The following CCDC196 variants were observed in gnomAD, a reference collection of about 807,000 sequenced individuals.
CCDC196 encodes coiled-coil domain-containing protein 196.
At chr14:66,489,982 G>A (rs1411985292) in intron 4 of CCDC196, among the ~76,000 whole-genome samples, 1 of 152,112 alleles carries the variant, frequency 6.6e-6, no homozygotes, top group African/African-American at 2.4e-5. Flanking sequence ...GATATAAACA[G>A]ATATATAGTG....
chr14:66,488,329 G>C, intron 3 of CCDC196, 73 bp downstream of exon 3: 1 of 406,952 alleles, frequency 2.5e-6, no homozygotes, highest in Admixed American at 4.4e-5. Flanking sequence ...CAGATGTGGA[G>C]AGAAAGACAG....
rs989232973 is a variant in CCDC196, at chr14:66,490,747, C to T, written c.357C>T (p.Phe119=). The T allele has an allele frequency of 7.5e-6, 3 of 399,248 alleles. No homozygotes were observed. The highest frequency in any genetic ancestry group is 4.1e-5 in the African/African-American group (2 of 48,578). 24.7% of individuals were successfully genotyped at this position (399,248 alleles called of 1,614,324 possible). The change falls in exon 5 of 10, where the codon TTC becomes TTT. Residue 119 remains phenylalanine (F), a synonymous_variant. Coordinates refer to ENST00000636229, the MANE Select transcript of CCDC196 (RefSeq NM_001351576.1). ...GCCAAAATGTCTTTCCACAGACATTCGAGGCAGAAGAACTTAGTGATCAAC... is the reference window on the plus strand; with the variant it reads ...GCCAAAATGTCTTTCCACAGACATTTGAGGCAGAAGAACTTAGTGATCAAC... ...KEMEMLWNKT[F]EAEELSDQQK...
chr14:66,494,567 A>G (rs1172728319), intron 8 of CCDC196: 1 of 152,202 alleles, frequency 6.6e-6, no homozygotes, highest in African/African-American at 2.4e-5. Context: ...GCATTCCTTG[A>G]AAATAAAATT....
At chr14:66,486,975 C>T in intron 2 of CCDC196, among the ~76,000 whole-genome samples, 166 bp downstream of exon 2, 1 of 151,994 alleles carries the variant, frequency 6.6e-6, no homozygotes. Context: ...AGGGTGACAA[C>T]AAATCCTTTA....
rs183636783 is a variant in CCDC196, at chr14:66,489,067, T to A, written c.351+30T>A. On this transcript the variant is annotated intron_variant, in intron 4 of 9. Coordinates refer to ENST00000636229, the MANE Select transcript of CCDC196 (RefSeq NM_001351576.1). ...GCCTCTAAGGATCTATTGAAAGTAT[T>A]GTCCTACAGATCACAACGCAAAGAA... 3.1e-5 allele frequency: 13 copies of A among 413,182 alleles called. 1 individual carries two copies. The highest frequency in any genetic ancestry group is 1.6e-4 in the African/African-American group (8 of 48,736). 25.6% of individuals were successfully genotyped at this position (413,182 alleles called of 1,614,324 possible).
chr14:66,495,807 A>C (rs1654513881), intron 8 of CCDC196: 1 of 154,478 alleles, frequency 6.5e-6, no homozygotes, highest in Non-Finnish European at 1.4e-5. Context: ...AAAAGAAAAA[A>C]ATTTCTTGAT....
At chr14:66,490,943 T>C in intron 5 of CCDC196, 78 bp from the exon 6 acceptor site, 1 of 413,016 alleles carries the variant, frequency 2.4e-6, no homozygotes, top group East Asian at 3.6e-5. Flanking sequence ...TTAGGGTTTA[T>C]TAGATTTATG....
intron 8 of CCDC196, among the ~76,000 whole-genome samples, chr14:66,495,314 G>A (rs1319659491): frequency 6.6e-6 from 1 of 152,044 alleles, no homozygotes. Flanking sequence ...TATATGACTT[G>A]GAAAAGTCAT....
intron 8 of CCDC196, chr14:66,494,780 C>G (rs1398867458): frequency 1.3e-5 from 2 of 152,186 alleles, no homozygotes; most frequent in Non-Finnish European, 2.9e-5. Flanking sequence ...AATCCCAGCA[C>G]TTTGGGAGGC....
intron 8 of CCDC196, among the ~76,000 whole-genome samples, chr14:66,497,437 T>A (rs1878822559): frequency 6.6e-6 from 1 of 152,142 alleles, no homozygotes; most frequent in Non-Finnish European, 1.5e-5. Context: ...TGCAGCAGTA[T>A]GTCTAGGAAA....
chr14:66,492,477 GATTAC>G (rs2057564830), intron 8 of CCDC196, among the ~76,000 whole-genome samples: 1 of 151,944 alleles, frequency 6.6e-6, no homozygotes, highest in South Asian at 2.1e-4. Flanking sequence ...GAGTAGCTGG[GATTAC>G]AGGCACGCAC....
Position 66,492,161 on chromosome 14 carries a change from A to T in CCDC196, c.682A>T (p.Met228Leu). The T allele has an allele frequency of 2.4e-6, 1 of 413,912 alleles. No homozygotes were observed. The highest frequency in any genetic ancestry group is 4.4e-6 in the Non-Finnish European group (1 of 226,234). 25.6% of individuals were successfully genotyped at this position (413,912 alleles called of 1,614,324 possible). Reference sequence around the variant, plus strand: ...GTATTTGCAGCAGAATTTTGAGCCAATGCAAGCATTTTTAAATCTTCCTGG... The same window carrying T: ...GTATTTGCAGCAGAATTTTGAGCCATTGCAAGCATTTTTAAATCTTCCTGG... ...SLYLQQNFEP[M>L]QAFLNLPGSQ... is the part of the protein sequence containing the mutation. The change falls in exon 8 of 10, where the codon ATG becomes TTG. Residue 228 changes from methionine (M) to leucine (L), a missense_variant. By Grantham distance (15) the Met-to-Leu change is conservative. Coordinates refer to ENST00000636229, the MANE Select transcript of CCDC196 (RefSeq NM_001351576.1).
chr14:66,494,427 GT>G (rs1179008286), intron 8 of CCDC196, among the ~76,000 whole-genome samples: 8 of 152,048 alleles, frequency 5.3e-5, no homozygotes, highest in Non-Finnish European at 1.0e-4. Context: ...ATGTAAAGAG[GT>G]TATTACCAAC....
In CCDC196 at chr14:66,498,497, G is replaced by C. The variant is rs1164930710; in HGVS notation, c.*25G>C. 4.8e-6 allele frequency: 2 copies of C among 412,870 alleles called. No individual in the cohort carries two copies. The highest frequency in any genetic ancestry group is 8.9e-6 in the Non-Finnish European group (2 of 225,530). 25.6% of individuals were successfully genotyped at this position (412,870 alleles called of 1,614,324 possible). On this transcript the variant is annotated 3_prime_UTR_variant, in exon 10 of 10. Transcript: ENST00000636229. Reference sequence around the variant, plus strand: ...GCAGGCTTTCGCTCCATTTGCTTTGGACAGATTTAAAGACTAGGCACAGCC... The same window carrying C: ...GCAGGCTTTCGCTCCATTTGCTTTGCACAGATTTAAAGACTAGGCACAGCC...
chr14:66,495,695 A>G (rs1443276969), intron 8 of CCDC196: 1 of 152,590 alleles, frequency 6.6e-6, no homozygotes, highest in Non-Finnish European at 1.5e-5. Context: ...TCCAGGCTTC[A>G]AGTCCACAGA....
intron 8 of CCDC196, among the ~76,000 whole-genome samples, chr14:66,495,126 T>C (rs920291637): frequency 7.9e-5 from 12 of 151,886 alleles, no homozygotes; most frequent in African/African-American, 2.9e-4. Context: ...GAAAAGGCAA[T>C]AATTTTCTCA....
chr14:66,487,128 T>C lies in CCDC196; in HGVS notation c.203+319T>C, dbSNP rs554692136. ...CCACGGTCACACAGATGCTTTCTTA[T>C]GCATGATCACTTTAGAATAAATAAC... On this transcript the variant is annotated intron_variant, in intron 2 of 9. Coordinates refer to ENST00000636229, the MANE Select transcript of CCDC196 (RefSeq NM_001351576.1). Among the ~76,000 whole-genome samples, 5 of 152,286 alleles carry C rather than the reference T, an allele frequency of 3.3e-5. No individual in the cohort carries two copies. The South Asian group carries it at 6.2e-4, about 19-fold the overall frequency.
rs1258975223 is a variant in CCDC196 at position 66,498,389 on chromosome 14, G to C, written c.811G>C (p.Gly271Arg). 1 of 413,194 alleles carries C rather than the reference G, an allele frequency of 2.4e-6. No homozygotes were observed. Among genetic ancestry groups the C allele is most frequent in the East Asian group, 3.6e-5 (1 of 28,060 alleles). The allele number at this position is 413,194 out of a possible 1,614,324, so 25.6% of individuals were successfully genotyped here. Residue 271 changes from glycine (G) to arginine (R), a missense_variant, in exon 10 of 10, where the codon GGA becomes CGA. Coordinates refer to ENST00000636229, the MANE Select transcript of CCDC196 (RefSeq NM_001351576.1). ...LGTKIYTEQQ[G>R]TKGSQLDNTG... ...AACAAAGATCTACACAGAACAACAAGGAACTAAAGGAAGTCAGCTTGATAA... is the reference window on the plus strand; with the variant it reads ...AACAAAGATCTACACAGAACAACAACGAACTAAAGGAAGTCAGCTTGATAA...
At chr14:66,494,652 A>G (rs1317710282) in intron 8 of CCDC196, 2 of 152,314 alleles carry the variant, frequency 1.3e-5, no homozygotes, top group African/African-American at 4.8e-5. Flanking sequence ...AATACACAAA[A>G]AACAAGATTT....
Sources: gnomAD v4.1 joint callset for allele counts (sites outside exome capture counted in the v4.1 genomes callset) on GRCh38, gnomAD v4.1.1 for gene constraint, MANE v1.5 for transcripts, NCBI Gene and HGNC (gene_info 2026-07-23, HGNC 2026-07-21) for gene names.